The following ITPR2 variants were observed in gnomAD, a reference collection of about 807,000 sequenced individuals.
ITPR2 encodes the protein inositol 1,4,5-trisphosphate-gated calcium channel ITPR2.
In ITPR2, 207 loss-of-function variants were observed where a neutral mutation model predicts 317.1. The ratio of observed to expected loss-of-function variants is 0.65; its 90% confidence interval spans 0.58 to 0.73. ITPR2 has a LOEUF of 0.73. Ranked by LOEUF, ITPR2 falls within the 30% of genes least tolerant of loss-of-function variation. The probability of loss-of-function intolerance (pLI) is 0.00; values close to 1 mark genes in which losing one functional copy is unlikely to be tolerated. For synonymous variants in ITPR2, 1,156 were observed against 1,149.1 expected (o/e 1.01, Z -0.12); for missense variants, 2,613 against 3,284.0 (o/e 0.80, Z 4.99).
At chr12:26,688,935 A>G (rs964893099) in intron 10 of ITPR2, among the ~76,000 whole-genome samples, 4 of 152,194 alleles carry the variant, frequency 2.6e-5, no homozygotes, top group East Asian at 1.9e-4. Context: ...AAATAACTCA[A>G]TAATATACAT....
chr12:26,728,323 AG>A (rs1466758472), intron 2 of ITPR2, among the ~76,000 whole-genome samples: 1 of 152,160 alleles, frequency 6.6e-6, no homozygotes, highest in African/African-American at 2.4e-5. Flanking sequence ...AAGGTCAAGG[AG>A]GGGTAAGTGA....
In ITPR2 at chr12:26,729,461, C is replaced by T. The variant is rs146963567; in HGVS notation, c.164-3696G>A. ...AGCAATTTCATTACTGGGTATATGC[C>T]CAAAGGAATATAAATCATTCTGTTA... On this transcript the variant is annotated intron_variant, in intron 2 of 56. Transcript: ENST00000381340. Among the ~76,000 whole-genome samples the T allele has an allele frequency of 3.7e-4, 56 of 152,088 alleles. No homozygotes were observed. The East Asian group carries it at 0.01, about 28-fold the overall frequency.
intron 49 of ITPR2, among the ~76,000 whole-genome samples, chr12:26,423,073 G>A (rs1024874099): frequency 6.6e-6 from 1 of 152,170 alleles, no homozygotes; most frequent in African/African-American, 2.4e-5. Flanking sequence ...GTAAATGGTA[G>A]TGTCTCTTAC....
In ITPR2 at chr12:26,483,687, C is replaced by G. The variant is rs1250487152; in HGVS notation, c.6012+11G>C. The G allele has an allele frequency of 1.2e-6, 2 of 1,605,480 alleles. No homozygotes were observed. The highest frequency in any genetic ancestry group is 1.7e-6 in the Non-Finnish European group (2 of 1,172,124). On this transcript the variant is annotated intron_variant, in intron 42 of 56. Transcript: ENST00000381340. ...TCCCTTTACTAATTAGTCATGGATA[C>G]TTCTGGTTACCTGATTTTCATGGCA...
At chr12:26,680,534 T>C (rs1242178875) in intron 13 of ITPR2, among the ~76,000 whole-genome samples, 1 of 152,220 alleles carries the variant, frequency 6.6e-6, no homozygotes, top group Admixed American at 6.5e-5. Flanking sequence ...AATTAAAACT[T>C]GGTGCTCTTT....
chr12:26,783,960 T>C (rs1203741350), intron 2 of ITPR2, among the ~76,000 whole-genome samples: 2 of 152,022 alleles, frequency 1.3e-5, no homozygotes, highest in Admixed American at 6.5e-5. Context: ...CTCAGGATCA[T>C]GGATGGGTTC....
At chr12:26,461,692 A>ATATATATATATG (rs1942032824) in intron 45 of ITPR2, among the ~76,000 whole-genome samples, 3 of 22,550 alleles carry the variant, frequency 1.3e-4, no homozygotes, top group African/African-American at 3.1e-4. Context: ...ATATATATAT[A>ATATATATATATG]CACACACACA....
chr12:26,591,531 C>T (rs1945704317), intron 32 of ITPR2, among the ~76,000 whole-genome samples: 1 of 152,000 alleles, frequency 6.6e-6, no homozygotes, highest in Non-Finnish European at 1.5e-5. Context: ...TTGGAGTTTC[C>T]TCAAAAAACT....
chr12:26,732,041 A>G (rs990396354), intron 2 of ITPR2, among the ~76,000 whole-genome samples: 1 of 152,212 alleles, frequency 6.6e-6, no homozygotes, highest in African/African-American at 2.4e-5. Context: ...GCCTTGCCTA[A>G]GGCAACTGTA....
chr12:26,571,952 A>G (rs1945172126), intron 34 of ITPR2, among the ~76,000 whole-genome samples: 1 of 152,226 alleles, frequency 6.6e-6, no homozygotes, highest in African/African-American at 2.4e-5. Context: ...TACAAATCAT[A>G]AAATGTTATA....
At chr12:26,825,545 C>T (rs377175206) in intron 1 of ITPR2, among the ~76,000 whole-genome samples, 1 of 151,904 alleles carries the variant, frequency 6.6e-6, no homozygotes, top group Admixed American at 6.6e-5. Context: ...GTGAAAAGCG[C>T]TACCTGTGCA....
intron 45 of ITPR2, among the ~76,000 whole-genome samples, chr12:26,463,959 T>C (rs762649569): frequency 5.8e-4 from 89 of 152,170 alleles, no homozygotes; most frequent in Admixed American, 1.4e-3. Flanking sequence ...ATTTTCCCTA[T>C]GATGAAAATG....
intron 2 of ITPR2, among the ~76,000 whole-genome samples, chr12:26,778,218 C>T (rs1950011994): frequency 6.6e-6 from 1 of 152,236 alleles, no homozygotes; most frequent in Admixed American, 6.5e-5. Flanking sequence ...ACTGAAGCTA[C>T]TTCTACCTAG....
At chr12:26,695,566 A>G (rs1303734438) in intron 10 of ITPR2, 40 bp downstream of exon 10, 1 of 1,537,738 alleles carries the variant, frequency 6.5e-7, no homozygotes, top group Admixed American at 1.7e-5. Flanking sequence ...AATAATAACA[A>G]TATGCTGAGA....
intron 45 of ITPR2, among the ~76,000 whole-genome samples, chr12:26,451,306 G>T (rs1941735194): frequency 6.7e-6 from 1 of 150,228 alleles, no homozygotes; most frequent in East Asian, 2.0e-4. Flanking sequence ...TGGACAACCA[G>T]ACCAAAGGAC....
chr12:26,452,418 C>T (rs1048469290), intron 45 of ITPR2, among the ~76,000 whole-genome samples: 3 of 152,024 alleles, frequency 2.0e-5, no homozygotes, highest in South Asian at 4.2e-4. Flanking sequence ...ATAAAATATG[C>T]TCCACTTAAT....
chr12:26,460,549 G>A (rs1941992598), intron 45 of ITPR2, among the ~76,000 whole-genome samples: 1 of 152,182 alleles, frequency 6.6e-6, no homozygotes, highest in Non-Finnish European at 1.5e-5. Flanking sequence ...AGAAGAGGCT[G>A]TCTCTGGATC....
intron 13 of ITPR2, among the ~76,000 whole-genome samples, chr12:26,673,239 C>G (rs1037276303): frequency 6.6e-6 from 1 of 151,504 alleles, no homozygotes; most frequent in African/African-American, 2.4e-5. Context: ...GAGACACAAC[C>G]AAAAAAGAGA....
At chr12:26,673,246 G>A (rs372141087) in intron 13 of ITPR2, among the ~76,000 whole-genome samples, 2 of 152,014 alleles carry the variant, frequency 1.3e-5, no homozygotes, top group Non-Finnish European at 2.9e-5. Context: ...AACCAAAAAA[G>A]AGAATTTTAG....
Sources: gnomAD v4.1 joint callset for allele counts (sites outside exome capture counted in the v4.1 genomes callset) on GRCh38, gnomAD v4.1.1 for gene constraint, MANE v1.5 for transcripts, NCBI Gene and HGNC (gene_info 2026-07-23, HGNC 2026-07-21) for gene names.